NELL1: variants seen among roughly 807,000 people sequenced by gnomAD.
NELL1 encodes neural EGFL like 1.
NELL1 carries 76 observed loss-of-function variants against 107.4 expected under a neutral mutation model. That is an observed-to-expected ratio of 0.71 (90% CI 0.59 to 0.86). The LOEUF is 0.86. Among genes scored for constraint, NELL1 ranks in the 40% least tolerant of loss-of-function variants. NELL1 has a pLI of 0.00. For synonymous variants in NELL1, 353 were observed against 341.2 expected, an observed-to-expected ratio of 1.03 and a Z score of -0.38; for missense variants, 1,024 against 1,005.5, an observed-to-expected ratio of 1.02 and a Z score of -0.25.
chr11:20,812,405 GT>G (rs1235268626), intron 3 of NELL1, among the ~76,000 whole-genome samples: 2 of 152,084 alleles, frequency 1.3e-5, no homozygotes, highest in African/African-American at 2.4e-5. Context: ...TTATGTTATT[GT>G]TTTTGCTTTT....
At chr11:20,866,968 A>G (rs1314327353) in intron 4 of NELL1, among the ~76,000 whole-genome samples, 1 of 152,198 alleles carries the variant, frequency 6.6e-6, no homozygotes, top group African/African-American at 2.4e-5. Flanking sequence ...TGAGAGAAGG[A>G]TTACTATGCA....
chr11:21,216,146 C>T (rs576717661), intron 13 of NELL1, among the ~76,000 whole-genome samples: 7 of 152,094 alleles, frequency 4.6e-5, no homozygotes, highest in Non-Finnish European at 8.8e-5. Context: ...GGTGCAAGCC[C>T]CTAAATTTGA....
chr11:21,531,193 A>C (rs1855982487), intron 15 of NELL1, among the ~76,000 whole-genome samples: 1 of 152,170 alleles, frequency 6.6e-6, no homozygotes, highest in Non-Finnish European at 1.5e-5. Context: ...ACATATACGT[A>C]TATAGTTCTT....
intron 13 of NELL1, among the ~76,000 whole-genome samples, chr11:21,188,212 C>G (rs1052997728): frequency 6.6e-6 from 1 of 151,822 alleles, no homozygotes; most frequent in Admixed American, 6.6e-5. Context: ...TTCCTACAGT[C>G]AGTATCATCT....
chr11:20,753,228 T>A (rs1856182921), intron 2 of NELL1, among the ~76,000 whole-genome samples: 1 of 152,216 alleles, frequency 6.6e-6, no homozygotes, highest in African/African-American at 2.4e-5. Context: ...GAGTGAGGGA[T>A]GTGCTAATGG....
chr11:21,042,982 C>A (rs920120989), intron 12 of NELL1, among the ~76,000 whole-genome samples: 1 of 152,066 alleles, frequency 6.6e-6, no homozygotes, highest in Admixed American at 6.6e-5. Context: ...AATTGCAGAT[C>A]TGTACATTGA....
chr11:21,479,587 T>C (rs907083329), intron 15 of NELL1, among the ~76,000 whole-genome samples: 5 of 152,066 alleles, frequency 3.3e-5, no homozygotes, highest in Admixed American at 1.3e-4. Flanking sequence ...CAAAAATACA[T>C]TTAGATAAAA....
At chr11:20,941,167 A>C (rs1213462191) in intron 10 of NELL1, among the ~76,000 whole-genome samples, 1 of 151,972 alleles carries the variant, frequency 6.6e-6, no homozygotes. Context: ...ACAAAACAAA[A>C]CCCACCTCCA....
intron 2 of NELL1, among the ~76,000 whole-genome samples, chr11:20,742,694 G>A (rs1435600079): frequency 6.6e-6 from 1 of 152,122 alleles, no homozygotes; most frequent in Non-Finnish European, 1.5e-5. Context: ...CACAAGAACA[G>A]CATGGGAAAG....
chr11:21,544,365 C>T (rs1358505206), intron 16 of NELL1, among the ~76,000 whole-genome samples: 1 of 151,826 alleles, frequency 6.6e-6, no homozygotes, highest in East Asian at 1.9e-4. Context: ...TTACATAAAA[C>T]AACCAACAGC....
chr11:20,861,109 T>C (rs1264613769), intron 4 of NELL1, among the ~76,000 whole-genome samples: 2 of 152,202 alleles, frequency 1.3e-5, no homozygotes, highest in Non-Finnish European at 2.9e-5. Flanking sequence ...TGTTTTTCTT[T>C]AATTTTTAAA....
At chr11:21,299,446 A>C (rs566221350) in intron 14 of NELL1, among the ~76,000 whole-genome samples, 23 of 151,658 alleles carry the variant, frequency 1.5e-4, no homozygotes, top group Non-Finnish European at 2.7e-4. Flanking sequence ...CATGGGAAAA[A>C]GTAGTCCTGA....
intron 12 of NELL1, among the ~76,000 whole-genome samples, chr11:21,106,713 A>T (rs904781836): frequency 3.3e-5 from 5 of 152,078 alleles, no homozygotes; most frequent in African/African-American, 1.2e-4. Context: ...TTGCATATAT[A>T]TTTTTTTACC....
At chr11:21,278,453 A>G (rs980414134) in intron 14 of NELL1, among the ~76,000 whole-genome samples, 1 of 152,202 alleles carries the variant, frequency 6.6e-6, no homozygotes, top group Non-Finnish European at 1.5e-5. Context: ...GTGGCAGAAT[A>G]TAAGGTTAAT....
intron 1 of NELL1, among the ~76,000 whole-genome samples, chr11:20,677,546 T>A (rs1854088746): frequency 6.6e-6 from 1 of 152,230 alleles, no homozygotes. Flanking sequence ...TATGTCATAC[T>A]TTTTGCTTCA....
At chr11:21,187,323 G>A (rs1056438998) in intron 13 of NELL1, among the ~76,000 whole-genome samples, 1 of 151,790 alleles carries the variant, frequency 6.6e-6, no homozygotes, top group Non-Finnish European at 1.5e-5. Context: ...AAGTTAGATA[G>A]ATTAACTAGT....
chr11:21,484,225 A>C (rs1223610644), intron 15 of NELL1, among the ~76,000 whole-genome samples: 4 of 151,418 alleles, frequency 2.6e-5, no homozygotes, highest in Non-Finnish European at 5.9e-5. Context: ...CAAACAAAAA[A>C]AAATTGCTGA....
At chr11:21,042,009 G>C (rs369676337) in intron 12 of NELL1, among the ~76,000 whole-genome samples, 3 of 152,184 alleles carry the variant, frequency 2.0e-5, no homozygotes, top group Non-Finnish European at 4.4e-5. Context: ...TGCTATATTT[G>C]AACCATCGCT....
intron 16 of NELL1, among the ~76,000 whole-genome samples, chr11:21,541,768 A>AT (rs1380510646): frequency 1.1e-4 from 16 of 152,250 alleles, no homozygotes; most frequent in African/African-American, 3.8e-4. Context: ...CATTAAGATA[A>AT]TACTTACAAT....
Sources: allele counts gnomAD v4.1 joint callset (sites outside exome capture counted in the v4.1 genomes callset), GRCh38; gene constraint gnomAD v4.1.1; transcripts MANE v1.5; gene names NCBI Gene and HGNC (gene_info 2026-07-23, HGNC 2026-07-21).